ATP11C: variants seen among roughly 807,000 people sequenced by gnomAD.
ATP11C encodes the protein phospholipid-transporting ATPase IG.
ATP11C carries 36 observed loss-of-function variants against 97.4 expected under a neutral mutation model. The ratio of observed to expected loss-of-function variants is 0.37; its 90% CI spans 0.28 to 0.49. The LOEUF is 0.49. Among genes scored for constraint, ATP11C ranks in the 20% least tolerant of loss-of-function variants. ATP11C has a pLI of 0.98. For missense variants in ATP11C, 730 were observed against 824.6 expected, an observed-to-expected ratio of 0.89 and a Z score of 1.40; for synonymous variants, 275 against 290.9, an observed-to-expected ratio of 0.95 and a Z score of 0.56.
At chrX:139,750,648 GT>G (rs2081793889) in intron 23 of ATP11C, among the ~76,000 whole-genome samples, 1 of 111,803 alleles carries the variant, frequency 8.9e-6, no homozygotes, top group African/African-American at 3.3e-5. Context: ...AAGTCCCACA[GT>G]TCCTCATGGC....
chrX:139,853,216 GA>G, intron 1 of ATP11C, among the ~76,000 whole-genome samples: 1 of 111,432 alleles, frequency 9.0e-6, no homozygotes, highest in East Asian at 2.9e-4. Flanking sequence ...AGGGGAAGAG[GA>G]AGGAGAGGGG....
chrX:139,806,385 A>C (rs2083042705), intron 5 of ATP11C, among the ~76,000 whole-genome samples: 1 of 112,068 alleles, frequency 8.9e-6, no homozygotes, highest in Admixed American at 9.5e-5. Context: ...AAAAATGGAT[A>C]ATCTAAAAAC....
rs753780083 is a variant in ATP11C at position 139,802,237 on chromosome X, T to A, written c.658A>T (p.Lys220Ter). The A allele has an allele frequency of 8.4e-7, 1 of 1,185,034 alleles. No individual in the cohort carries two copies. The highest frequency in any genetic ancestry group is 2.2e-5 in the Admixed American group (1 of 46,001). ...AAAATGAAACCAGGTGATTCTTACT[T>A]GTAGAGGTCAGGTTGAGGCTGTTCA... Reference protein sequence around the residue: ...ECEQPQPDLYKFVGRINIYSN... With the variant: ...ECEQPQPDLY Residue 220 changes from lysine (K) to a stop codon, truncating the protein, a stop_gained and splice_region_variant, in exon 7 of 30, where the codon AAA becomes TAA. Transcript: ENST00000682941. LOFTEE classifies it high-confidence loss of function.
chrX:139,852,569 C>T (rs143895975), intron 1 of ATP11C, among the ~76,000 whole-genome samples: 1,774 of 100,423 alleles, frequency 0.018, 28 homozygotes, highest in African/African-American at 0.06. Flanking sequence ...CCGCGGGAGC[C>T]GTAAAGTACT....
chrX:139,760,505 T>C (rs2082016677), intron 22 of ATP11C, among the ~76,000 whole-genome samples: 1 of 112,109 alleles, frequency 8.9e-6, no homozygotes, highest in African/African-American at 3.2e-5. Flanking sequence ...CTTTAACTCT[T>C]ATAAAATATA....
chrX:139,813,185 A>AT (rs2083214134), intron 5 of ATP11C, among the ~76,000 whole-genome samples: 1 of 112,165 alleles, frequency 8.9e-6, no homozygotes, highest in South Asian at 3.7e-4. Flanking sequence ...AGTCCATATC[A>AT]TATGTTATCA....
chrX:139,753,169 A>G (rs1243121096), intron 23 of ATP11C, among the ~76,000 whole-genome samples: 1 of 111,335 alleles, frequency 9.0e-6, no homozygotes, highest in Non-Finnish European at 1.9e-5. Context: ...CAGAATATAC[A>G]TTCCTCTTAT....
chrX:139,798,371 T>C lies in ATP11C; in HGVS notation c.776-17A>G. On this transcript the variant is annotated splice_polypyrimidine_tract_variant and intron_variant, in intron 9 of 29. Transcript: ENST00000682941. ...CAGCAACTCCTAAGAAATTACAGAATATAATAAAAACTAAGAACTTGTCAA... is the reference window on the plus strand; with the variant it reads ...CAGCAACTCCTAAGAAATTACAGAACATAATAAAAACTAAGAACTTGTCAA... The C allele has an allele frequency of 3.5e-6, 4 of 1,145,093 alleles. No homozygotes were observed. The highest frequency in any genetic ancestry group is 4.7e-6 in the Non-Finnish European group (4 of 844,503). The allele number at this position is 1,145,093 out of a possible 1,213,427, so 94.4% of individuals were successfully genotyped here.
At chrX:139,910,461 C>T (rs1366602664) in intron 1 of ATP11C, among the ~76,000 whole-genome samples, 2 of 109,969 alleles carry the variant, frequency 1.8e-5, no homozygotes, top group African/African-American at 6.6e-5. Flanking sequence ...AAAAAATTAG[C>T]CGGGCATGGT....
Position 139,731,739 on chromosome X carries a change from C to T in ATP11C, c.3305G>A (p.Arg1102Lys), listed in dbSNP as rs1287220607. ...GGCGGATAATGAGTCAGATGCCCTT[C>T]TACAGCTCAGATTTCTCTGTAATAG... Reference protein sequence around the residue: ...RRSARRNLSCRRASDSLSARP... With the variant: ...RRSARRNLSCKRASDSLSARP... The change falls in exon 29 of 30, where the codon AGA becomes AAA. Residue 1102 changes from arginine (R) to lysine (K), a missense_variant. Transcript: ENST00000682941. 1.7e-6 allele frequency: 2 copies of T among 1,184,731 alleles called. No individual in the cohort carries two copies. The highest frequency in any genetic ancestry group is 1.9e-5 in the South Asian group (1 of 53,369).
At chrX:139,840,060 A>G (rs912074831) in intron 1 of ATP11C, among the ~76,000 whole-genome samples, 3 of 111,930 alleles carry the variant, frequency 2.7e-5, no homozygotes, top group South Asian at 3.7e-4. Flanking sequence ...TCCAAAATCT[A>G]TGTCTGCTAC....
Position 139,932,006 on chromosome X carries a change from G to A in ATP11C, c.27+10C>T, listed in dbSNP as rs1603421242. ...ACCGGCACGCGCGGAGCCGCAGCGA[G>A]TGTACTTACAAAACGATTCAAGCTC... On this transcript the variant is annotated intron_variant, in intron 1 of 29. Coordinates refer to ENST00000682941, the MANE Select transcript of ATP11C (RefSeq NM_001353812.2). The A allele has an allele frequency of 6.0e-6, 7 of 1,165,413 alleles. No individual in the cohort carries two copies. The highest frequency in any genetic ancestry group is 1.8e-5 in the African/African-American group (1 of 56,565).
At position 139,880,816 on chromosome X, in the gene ATP11C, A is replaced by T. The variant is rs552837386; in HGVS notation, c.27+51200T>A. Among the ~76,000 whole-genome samples, 359 of 112,141 alleles carry T rather than the reference A, an allele frequency of 3.2e-3. 3 individuals carry two copies. The highest frequency in any genetic ancestry group is 0.011 in the African/African-American group (336 of 30,935). On this transcript the variant is annotated intron_variant, in intron 1 of 29. Transcript: ENST00000682941. ...GAAAGTAAGAGAGATGGTAAATAAG[A>T]CAGACAAGAAAAGGTATTCTACACC... is the stretch of plus-strand genomic sequence containing the variant.
At chrX:139,907,746 T>G (rs1265732748) in intron 1 of ATP11C, among the ~76,000 whole-genome samples, 1 of 107,384 alleles carries the variant, frequency 9.3e-6, no homozygotes, top group African/African-American at 3.4e-5. Flanking sequence ...ACACTCTGTC[T>G]CAAAAAAAAA....
intron 1 of ATP11C, among the ~76,000 whole-genome samples, chrX:139,870,873 G>A (rs954610143): frequency 2.0e-4 from 22 of 109,959 alleles, no homozygotes; most frequent in African/African-American, 6.6e-4. Flanking sequence ...TGGCTAACAC[G>A]GTGAAACCCC....
chrX:139,799,934 G>A, intron 8 of ATP11C, 126 bp downstream of exon 8: 1 of 588,372 alleles, frequency 1.7e-6, no homozygotes. Flanking sequence ...TTACAGGCGT[G>A]AGCTACCGCA....
At chrX:139,818,501 C>T (rs1220333756) in intron 3 of ATP11C, among the ~76,000 whole-genome samples, 1 of 111,942 alleles carries the variant, frequency 8.9e-6, no homozygotes, top group African/African-American at 3.3e-5. Flanking sequence ...TGTAAGACAT[C>T]TGACCATAGA....
At chrX:139,807,066 T>G (rs2147807443) in intron 5 of ATP11C, among the ~76,000 whole-genome samples, 1 of 111,131 alleles carries the variant, frequency 9.0e-6, no homozygotes, top group African/African-American at 3.3e-5. Context: ...ACCCTGAGGC[T>G]TTGGTGCATA....
upstream of ATP11C, among the ~76,000 whole-genome samples, chrX:139,934,577 C>CGG (rs1455394487): frequency 1.4e-4 from 11 of 81,123 alleles, no homozygotes; most frequent in African/African-American, 5.4e-4. Flanking sequence ...TTTTTTGAGA[C>CGG]AGTCTCACTC....
Sources: gnomAD v4.1 joint callset for allele counts (sites outside exome capture counted in the v4.1 genomes callset) on GRCh38, gnomAD v4.1.1 for gene constraint, MANE v1.5 for transcripts, NCBI Gene and HGNC (gene_info 2026-07-23, HGNC 2026-07-21) for gene names.